The following ADGRL3 variants were observed in gnomAD, a reference collection of about 807,000 sequenced individuals.
ADGRL3 encodes the protein adhesion G protein-coupled receptor L3.
ADGRL3 carries 62 observed loss-of-function variants against 153.5 expected under a neutral mutation model. The observed-to-expected ratio is 0.40, with a 90% CI of 0.33 to 0.50. The LOEUF is 0.50. Among genes scored for constraint, ADGRL3 ranks in the 20% least tolerant of loss-of-function variants. The probability of loss-of-function intolerance (pLI) is 0.47; values close to 1 mark genes in which losing one functional copy is unlikely to be tolerated. For synonymous variants in ADGRL3, 710 were observed against 672.5 expected (o/e 1.06, Z -0.86); for missense variants, 1,641 against 1,859.4 (o/e 0.88, Z 2.16).
At chr4:61,754,609 T>A (rs955066954) in intron 8 of ADGRL3, among the ~76,000 whole-genome samples, 1 of 148,954 alleles carries the variant, frequency 6.7e-6, no homozygotes, top group Non-Finnish European at 1.5e-5. Context: ...TCTGAGTGTA[T>A]ATATATATAT....
intron 7 of ADGRL3, among the ~76,000 whole-genome samples, 172 bp downstream of exon 7, chr4:61,730,808 T>G (rs555701387): frequency 6.6e-6 from 1 of 152,110 alleles, no homozygotes; most frequent in South Asian, 2.1e-4. Context: ...AGAGTCACTT[T>G]CTTTTATCTA....
intron 8 of ADGRL3, among the ~76,000 whole-genome samples, chr4:61,769,995 G>A (rs2097063338): frequency 6.6e-6 from 1 of 152,172 alleles, no homozygotes; most frequent in Non-Finnish European, 1.5e-5. Context: ...CAGGGGATAC[G>A]ATGGCTTGGC....
At chr4:61,440,544 G>C (rs1313663223) in intron 2 of ADGRL3, among the ~76,000 whole-genome samples, 2 of 152,164 alleles carry the variant, frequency 1.3e-5, no homozygotes, top group Non-Finnish European at 2.9e-5. Flanking sequence ...TCTCAGCCAT[G>C]TTAATTGATT....
At chr4:61,275,683 T>C (rs918836034) in intron 1 of ADGRL3, among the ~76,000 whole-genome samples, 2 of 152,158 alleles carry the variant, frequency 1.3e-5, no homozygotes, top group African/African-American at 2.4e-5. Flanking sequence ...CTATTACTTC[T>C]TCTCAACCCA....
chr4:61,291,583 C>T lies in ADGRL3; in HGVS notation c.-240+89818C>T, dbSNP rs62312931. Among the ~76,000 whole-genome samples the T allele has an allele frequency of 3.3e-3, 254 of 77,414 alleles. 2 individuals carry two copies. Among genetic ancestry groups the T allele is most frequent in the African/African-American group, 0.011 (219 of 19,722 alleles). 50.8% of individuals were successfully genotyped at this position (77,414 alleles called of 152,430 possible). ...ATATATATACATATATATATATATA[C>T]ATATATATATATATATATATACACA... On this transcript the variant is annotated intron_variant, in intron 1 of 26. Coordinates refer to ENST00000683033, the MANE Select transcript of ADGRL3 (RefSeq NM_001387552.1).
Position 61,957,350 on chromosome 4 carries a change from A to G in ADGRL3, c.2805+9074A>G, listed in dbSNP as rs2098971112. 2.0e-5 allele frequency among the ~76,000 whole-genome samples: 3 copies of G among 152,104 alleles called. No individual in the cohort carries two copies. The South Asian group carries it at 6.2e-4, about 32-fold the overall frequency. The stretch of plus-strand genomic sequence containing the variant: ...GGCTCTCTACTTGTCTATTGTTGGC[A>G]TAAAGGAATGCTTGTCATCTTATAG... On this transcript the variant is annotated intron_variant, in intron 17 of 26. Coordinates refer to ENST00000683033, the MANE Select transcript of ADGRL3 (RefSeq NM_001387552.1).
intron 3 of ADGRL3, among the ~76,000 whole-genome samples, chr4:61,514,769 A>G (rs971666460): frequency 1.3e-5 from 2 of 152,190 alleles, no homozygotes; most frequent in Non-Finnish European, 1.5e-5. Context: ...ACTCCATGAA[A>G]TCGTTTTACT....
rs563666645 is a variant in ADGRL3 at position 62,073,959 on chromosome 4, G to A, written c.*3051G>A. ...AGCTAATTTTACATACATTTCAATAGAAATTTGCATATATCTAACATATTC... is the reference window on the plus strand; with the variant it reads ...AGCTAATTTTACATACATTTCAATAAAAATTTGCATATATCTAACATATTC... On this transcript the variant is annotated 3_prime_UTR_variant, in exon 27 of 27. Transcript: ENST00000683033. The A allele has an allele frequency of 6.6e-6, 1 of 152,070 alleles. No individual in the cohort carries two copies. Among genetic ancestry groups the A allele is most frequent in the Admixed American group, 6.6e-5 (1 of 15,260 alleles). The allele number at this position is 152,070 out of a possible 1,614,324, so 9.4% of individuals were successfully genotyped here. A position where few individuals can be genotyped will look rare whatever the true frequency, so the allele number is the denominator to read the frequency against.
rs749887490 is a variant in ADGRL3 at position 61,996,339 on chromosome 4, A to T, written c.3285A>T (p.Pro1095=). 1 of 1,611,880 alleles carries T rather than the reference A, an allele frequency of 6.2e-7. No individual in the cohort carries two copies. The highest frequency in any genetic ancestry group is 2.2e-5 in the East Asian group (1 of 44,844). ...DTYFIWSFIG[P]ATLIIMLNVI... is the part of the protein sequence containing the mutation. ...ACTTCATTTGGAGTTTTATAGGACC[A>T]GCAACTTTGATAATTATGGTAAGAA... Residue 1095 remains proline, a synonymous_variant, in exon 20 of 27, where the codon CCA becomes CCT. Coordinates refer to ENST00000683033, the MANE Select transcript of ADGRL3 (RefSeq NM_001387552.1).
intron 1 of ADGRL3, among the ~76,000 whole-genome samples, chr4:61,360,953 T>C (rs2096273450): frequency 6.6e-6 from 1 of 152,174 alleles, no homozygotes; most frequent in East Asian, 1.9e-4. Context: ...GATACTACTA[T>C]TATGTTTGTA....
chr4:61,448,826 A>AGAAGGGAGAGAGGGAAGGAAGG (rs2097630875), intron 2 of ADGRL3, among the ~76,000 whole-genome samples: 28 of 54,444 alleles, frequency 5.1e-4, no homozygotes, highest in Admixed American at 3.0e-3. Context: ...GAAGGAAGGA[A>AGAAGGGAGAGAGGGAAGGAAGG]GAAGGGAGGG....
chr4:61,287,419 G>A lies in ADGRL3; in HGVS notation c.-240+85654G>A, dbSNP rs1215750220. ...TGTCTGGTGAGGATAACTTTAATATGCTCTTAAAACAGTAGAAAAATTACC... is the reference window on the plus strand; with the variant it reads ...TGTCTGGTGAGGATAACTTTAATATACTCTTAAAACAGTAGAAAAATTACC... On this transcript the variant is annotated intron_variant, in intron 1 of 26. Transcript: ENST00000683033. Among the ~76,000 whole-genome samples the A allele has an allele frequency of 3.3e-5, 5 of 151,736 alleles. No homozygotes were observed. In the Admixed American group the frequency reaches 3.3e-4, roughly 10 times the overall value.
chr4:61,456,458 T>TCTATAG (rs1553934155), intron 2 of ADGRL3, among the ~76,000 whole-genome samples: 1 of 126,636 alleles, frequency 7.9e-6, no homozygotes, highest in Non-Finnish European at 1.6e-5. Context: ...TATATCTATA[T>TCTATAG]ATATAGATAT....
At chr4:61,430,042 T>A (rs2097336524) in intron 2 of ADGRL3, among the ~76,000 whole-genome samples, 1 of 152,130 alleles carries the variant, frequency 6.6e-6, no homozygotes, top group African/African-American at 2.4e-5. Context: ...TGCTTTATCT[T>A]CTAAAACATA....
intron 1 of ADGRL3, among the ~76,000 whole-genome samples, chr4:61,326,787 G>T (rs2095475062): frequency 6.6e-6 from 1 of 151,794 alleles, no homozygotes; most frequent in South Asian, 2.1e-4. Context: ...TGTTAAAATT[G>T]AACTATGCAT....
At chr4:61,742,560 G>A (rs1354354058) in intron 8 of ADGRL3, among the ~76,000 whole-genome samples, 4 of 152,138 alleles carry the variant, frequency 2.6e-5, no homozygotes, top group South Asian at 2.1e-4. Context: ...GATTACAGGC[G>A]TGAGACACCG....
At chr4:61,624,642 G>GA (rs1487060793) in intron 5 of ADGRL3, among the ~76,000 whole-genome samples, 1 of 151,806 alleles carries the variant, frequency 6.6e-6, no homozygotes, top group Non-Finnish European at 1.5e-5. Context: ...TGGAAGAATT[G>GA]AAAAAATAGT....
chr4:61,463,366 C>T (rs540397604), intron 2 of ADGRL3, among the ~76,000 whole-genome samples: 23 of 152,138 alleles, frequency 1.5e-4, no homozygotes, highest in African/African-American at 5.3e-4. Flanking sequence ...TGGCAGAAGG[C>T]GAAGGGGAAG....
At chr4:61,435,838 G>A (rs1189295294) in intron 2 of ADGRL3, among the ~76,000 whole-genome samples, 1 of 150,368 alleles carries the variant, frequency 6.7e-6, no homozygotes, top group African/African-American at 2.4e-5. Context: ...ATTTGGGGAA[G>A]TCCGTAGTAA....
Sources: gnomAD v4.1 joint callset for allele counts (sites outside exome capture counted in the v4.1 genomes callset) on GRCh38, gnomAD v4.1.1 for gene constraint, MANE v1.5 for transcripts, NCBI Gene and HGNC (gene_info 2026-07-23, HGNC 2026-07-21) for gene names.